The following ANKS1B variants were observed in gnomAD, a reference collection of about 807,000 sequenced individuals.
The protein encoded by ANKS1B is ankyrin repeat and sterile alpha motif domain-containing protein 1B.
ANKS1B carries 36 observed loss-of-function variants against 148.3 expected under a neutral mutation model. The observed-to-expected ratio is 0.24, with a 90% CI of 0.19 to 0.32. The LOEUF (loss-of-function observed/expected upper bound fraction) is 0.32. Among genes scored for constraint, ANKS1B ranks in the 10% least tolerant of loss-of-function variants. The pLI, the probability that ANKS1B is intolerant of heterozygous loss-of-function variation, is 1.00. For synonymous variants in ANKS1B, 542 were observed against 560.8 expected (o/e 0.97, Z 0.47); for missense variants, 1,157 against 1,542.6 (o/e 0.75, Z 4.19).
chr12:99,742,260 A>T (rs1471253408), intron 8 of ANKS1B, among the ~76,000 whole-genome samples: 1 of 152,144 alleles, frequency 6.6e-6, no homozygotes, highest in Non-Finnish European at 1.5e-5. Flanking sequence ...AAAGAAAAAA[A>T]AAAACAGTGG....
chr12:99,504,567 T>C lies in ANKS1B; in HGVS notation c.1347A>G (p.Glu449=). Residue 449 remains glutamate (E), a synonymous_variant, in exon 10 of 27, where the codon GAA becomes GAG. Transcript: ENST00000683438. ...PSASLDTFPS[E]NENFLCDLMD... is the part of the protein sequence containing the mutation. Reference sequence around the variant, plus strand: ...TGAGATCACACAGAAAGTTCTCATTTTCTGAAGGAAATGTATCCAGAGAAG... The same window carrying C: ...TGAGATCACACAGAAAGTTCTCATTCTCTGAAGGAAATGTATCCAGAGAAG... The C allele has an allele frequency of 6.2e-7, 1 of 1,612,840 alleles. No individual in the cohort carries two copies. The highest frequency in any genetic ancestry group is 1.7e-5 in the Admixed American group (1 of 59,790).
intron 16 of ANKS1B, among the ~76,000 whole-genome samples, chr12:99,061,098 C>T (rs941045162): frequency 1.3e-5 from 2 of 152,158 alleles, no homozygotes; most frequent in Non-Finnish European, 2.9e-5. Flanking sequence ...TCTTCTTCCA[C>T]ATAATGGGGT....
chr12:98,765,619 C>T (rs965849034), intron 25 of ANKS1B, among the ~76,000 whole-genome samples: 3 of 152,034 alleles, frequency 2.0e-5, no homozygotes, highest in African/African-American at 7.2e-5. Context: ...TGCAGTGGTG[C>T]GATCTCTGCT....
At chr12:99,071,960 A>G (rs1330852603) in intron 16 of ANKS1B, among the ~76,000 whole-genome samples, 16 of 152,150 alleles carry the variant, frequency 1.1e-4, no homozygotes, top group Admixed American at 6.6e-5. Flanking sequence ...AATCTCTTAA[A>G]TAGGGAGGCA....
At chr12:98,900,223 G>C (rs1304607037) in intron 17 of ANKS1B, among the ~76,000 whole-genome samples, 3 of 152,136 alleles carry the variant, frequency 2.0e-5, no homozygotes, top group Non-Finnish European at 4.4e-5. Context: ...TTGGTCTTAA[G>C]CCAATTGGAA....
chr12:98,766,738 A>G (rs1018637609), intron 25 of ANKS1B, among the ~76,000 whole-genome samples: 5 of 152,178 alleles, frequency 3.3e-5, no homozygotes, highest in African/African-American at 7.2e-5. Flanking sequence ...TAAGCCATAA[A>G]TATTTTTCTT....
intron 12 of ANKS1B, among the ~76,000 whole-genome samples, chr12:99,326,607 C>T (rs1056938851): frequency 5.3e-5 from 8 of 152,012 alleles, no homozygotes; most frequent in African/African-American, 1.9e-4. Flanking sequence ...CAGTACAGGA[C>T]TTGAGGGATG....
intron 19 of ANKS1B, among the ~76,000 whole-genome samples, chr12:98,810,066 C>T (rs1461279333): frequency 2.6e-5 from 4 of 152,212 alleles, no homozygotes; most frequent in Non-Finnish European, 5.9e-5. Flanking sequence ...TAAACAGGTA[C>T]TGGCCTTAAG....
chr12:99,949,479 C>T (rs1000013684), intron 1 of ANKS1B, among the ~76,000 whole-genome samples: 2 of 152,016 alleles, frequency 1.3e-5, no homozygotes, highest in African/African-American at 4.8e-5. Context: ...TTCTGGAAGT[C>T]AAATATTGGG....
chr12:99,246,828 T>C lies in ANKS1B; in HGVS notation c.1793A>G (p.Lys598Arg). 6.2e-7 allele frequency: 1 copy of C among 1,605,434 alleles called. No individual in the cohort carries two copies. The highest frequency in any genetic ancestry group is 8.5e-7 in the Non-Finnish European group (1 of 1,178,022). The part of the protein sequence containing the change: ...LSRQDDNDPP[K>R]EYDPGQFAGL... ...TGCAAATTGCCCAGGATCATATTCT[T>C]TTGGGGGATCATTGTCATCCTGTCG... Residue 598 changes from lysine to arginine, a missense_variant, in exon 13 of 27, where the codon AAA becomes AGA. Physicochemically the swap from Lys to Arg is conservative, Grantham distance 26 (BLOSUM62 2). This residue lies in a region of ANKS1B where 661 missense variants were observed against 642.1 expected (regional missense o/e 1.03). Transcript: ENST00000683438.
intron 8 of ANKS1B, among the ~76,000 whole-genome samples, chr12:99,695,872 T>A (rs541376593): frequency 1.3e-5 from 2 of 152,226 alleles, no homozygotes; most frequent in African/African-American, 4.8e-5. Context: ...TGCACATGTA[T>A]CCCAGAACTT....
chr12:99,648,800 G>A lies in ANKS1B; in HGVS notation c.1272+6267C>T, dbSNP rs369091239. The A allele has an allele frequency of 3.4e-5, 55 of 1,602,236 alleles. No individual in the cohort carries two copies. In the African/African-American group the frequency reaches 6.4e-4, roughly 19 times the overall value. ...CAGAGGAGCCCAGTGGTGAGTCTAT[G>A]CAGAGACTAGATGGGGCCTGGATGC... On this transcript the variant is annotated intron_variant, in intron 9 of 26. Transcript: ENST00000683438.
At chr12:99,249,528 A>G (rs1286852364) in intron 12 of ANKS1B, among the ~76,000 whole-genome samples, 1 of 152,174 alleles carries the variant, frequency 6.6e-6, no homozygotes, top group African/African-American at 2.4e-5. Context: ...TGATGGTAAC[A>G]TTTCTGCCAA....
chr12:98,884,025 G>GTA (rs1344852413), intron 17 of ANKS1B, among the ~76,000 whole-genome samples: 1 of 152,102 alleles, frequency 6.6e-6, no homozygotes, highest in Admixed American at 6.5e-5. Context: ...AAATGAAGAT[G>GTA]TATACGTAGA....
At chr12:99,675,399 T>C (rs762854146) in intron 8 of ANKS1B, among the ~76,000 whole-genome samples, 7 of 151,910 alleles carry the variant, frequency 4.6e-5, no homozygotes, top group Non-Finnish European at 8.8e-5. Flanking sequence ...TCTCAGAAAA[T>C]ATTTAGTAAT....
At chr12:99,983,121 C>A (rs1433118215) in intron 1 of ANKS1B, among the ~76,000 whole-genome samples, 2 of 152,032 alleles carry the variant, frequency 1.3e-5, no homozygotes, top group Non-Finnish European at 2.9e-5. Flanking sequence ...TGTTTTAAGG[C>A]GAAGATATGA....
intron 17 of ANKS1B, among the ~76,000 whole-genome samples, chr12:98,931,518 G>A (rs2099813662): frequency 6.6e-6 from 1 of 152,154 alleles, no homozygotes; most frequent in African/African-American, 2.4e-5. Context: ...ATCCAATAGT[G>A]TTTCTGTACA....
At chr12:99,155,151 T>A in intron 14 of ANKS1B, 1 of 1,470,142 alleles carries the variant, frequency 6.8e-7, no homozygotes, top group Non-Finnish European at 9.0e-7. Context: ...AAGCTTGAAC[T>A]ATAGCTTATA....
intron 3 of ANKS1B, among the ~76,000 whole-genome samples, chr12:99,808,841 G>A (rs1306925450): frequency 6.6e-6 from 1 of 152,090 alleles, no homozygotes; most frequent in Non-Finnish European, 1.5e-5. Flanking sequence ...CCAGAGCCCT[G>A]AGCCTAGGAA....
Sources: gnomAD v4.1 joint callset for allele counts (sites outside exome capture counted in the v4.1 genomes callset) on GRCh38, gnomAD v4.1.1 for gene constraint, gnomAD v4.1.1 regional missense constraint, MANE v1.5 for transcripts, NCBI Gene and HGNC (gene_info 2026-07-23, HGNC 2026-07-21) for gene names.